Variants in PARP4 observed in about 807,000 individuals in gnomAD.
PARP4 encodes the protein protein mono-ADP-ribosyltransferase PARP4.
In PARP4, 120 loss-of-function variants were observed where a neutral mutation model predicts 187.7. That is an observed-to-expected ratio of 0.64 (90% CI 0.55 to 0.74). The LOEUF (loss-of-function observed/expected upper bound fraction) is 0.74. Among genes scored for constraint, PARP4 ranks in the 30% least tolerant of loss-of-function variants. The probability of loss-of-function intolerance (pLI) is 0.00; values close to 1 mark genes in which losing one functional copy is unlikely to be tolerated. For synonymous variants in PARP4, 654 were observed against 740.9 expected (o/e 0.88, Z 1.90); for missense variants, 1,836 against 2,070.5 (o/e 0.89, Z 2.20).
At chr13:24,428,928 C>T (rs1042387655) in intron 32 of PARP4, among the ~76,000 whole-genome samples, 1 of 152,208 alleles carries the variant, frequency 6.6e-6, no homozygotes, top group African/African-American at 2.4e-5. Flanking sequence ...TCTAACCTTT[C>T]ACCTTCTGAA....
At chr13:24,424,063 G>C (rs1869895008) in intron 33 of PARP4, among the ~76,000 whole-genome samples, 1 of 151,976 alleles carries the variant, frequency 6.6e-6, no homozygotes, top group East Asian at 1.9e-4. Context: ...GGGCTCAAGT[G>C]ACCCTCCCGT....
Position 24,456,396 on chromosome 13 carries a change from G to A in PARP4, c.2507C>T (p.Ser836Phe). 6.2e-7 allele frequency: 1 copy of A among 1,612,572 alleles called. No individual in the cohort carries two copies. Reference protein sequence around the residue: ...SSGFSLHIGLSAAYLPRMWVE... With the variant: ...SSGFSLHIGLFAAYLPRMWVE... Reference sequence around the variant, plus strand: ...CCACATTCTTGGGAGATAGGCAGCAGACAAACCGATGTGGAGAGAAAATCC... The same window carrying A: ...CCACATTCTTGGGAGATAGGCAGCAAACAAACCGATGTGGAGAGAAAATCC... The change falls in exon 21 of 34, where the codon TCT (serine) becomes TTT (phenylalanine). Residue 836 changes from serine (S) to phenylalanine (F), a missense_variant. Around this residue, in one of 8 missense-constraint regions of PARP4, gnomAD observed 1,147 missense variants for 1,214.2 expected, o/e 0.94. Transcript: ENST00000381989.
intron 1 of PARP4, among the ~76,000 whole-genome samples, chr13:24,506,803 C>T (rs1039953143): frequency 6.6e-6 from 1 of 152,244 alleles, no homozygotes; most frequent in Non-Finnish European, 1.5e-5. Flanking sequence ...GCCTGCCAGT[C>T]CCATGCCTTG....
chr13:24,425,569 G>GTGTGTATATC (rs1491353761), intron 33 of PARP4, among the ~76,000 whole-genome samples: 3 of 136,732 alleles, frequency 2.2e-5, no homozygotes, highest in Non-Finnish European at 3.1e-5. Context: ...GTGTGTGTGT[G>GTGTGTATATC]TATATCTATA....
rs1195460304 is a variant in PARP4, at chr13:24,478,209, C to T, written c.1516G>A (p.Ala506Thr). The change falls in exon 13 of 34, where the codon GCC becomes ACC. Residue 506 changes from alanine (A) to threonine (T), a missense_variant. Transcript: ENST00000381989. ...GTRLLLICDV[A>T]LGKCMDLHEK... Reference sequence around the variant, plus strand: ...TGTAAGTCCATACACTTTCCGAGGGCTACGTCACAAATGAGCAGGAGTCTG... The same window carrying T: ...TGTAAGTCCATACACTTTCCGAGGGTTACGTCACAAATGAGCAGGAGTCTG... The T allele has an allele frequency of 6.2e-6, 10 of 1,613,664 alleles. No homozygotes were observed. The highest frequency in any genetic ancestry group is 2.7e-5 in the African/African-American group (2 of 75,040).
At chr13:24,467,885 A>G (rs1179443880) in intron 17 of PARP4, among the ~76,000 whole-genome samples, 1 of 152,198 alleles carries the variant, frequency 6.6e-6, no homozygotes, top group Admixed American at 6.5e-5. Context: ...AGGCTTCTAT[A>G]CATACAGTTT....
intron 21 of PARP4, among the ~76,000 whole-genome samples, chr13:24,455,446 C>A (rs1170890766): frequency 7.2e-6 from 1 of 138,634 alleles, no homozygotes; most frequent in Non-Finnish European, 1.5e-5. Context: ...GAATTAGTAT[C>A]TGAAAAATCA....
rs775016724 is a variant in PARP4, at chr13:24,434,430, C to T, written c.4711G>A (p.Val1571Met). ...AGACTGAGGAGTTCTGTCCAAGGCA[C>T]AGCATCCTGCCAGTGTTGTATGCAC... ...IVCIQHWQDA[V>M]PWTELLSLQT... Residue 1571 changes from valine (V) to methionine (M), a missense_variant, in exon 31 of 34, where the codon GTG becomes ATG. Val to Met is a conservative substitution (Grantham distance 21, BLOSUM62 1). Coordinates refer to ENST00000381989, the MANE Select transcript of PARP4 (RefSeq NM_006437.4). 6 of 1,587,682 alleles carry T rather than the reference C, an allele frequency of 3.8e-6. 1 individual carries two copies. In the South Asian group the frequency reaches 4.6e-5, roughly 12 times the overall value.
intron 10 of PARP4, among the ~76,000 whole-genome samples, chr13:24,488,784 T>C (rs1456207744): frequency 6.6e-6 from 1 of 152,226 alleles, no homozygotes; most frequent in Non-Finnish European, 1.5e-5. Context: ...AAATTTTTAT[T>C]TGCCCAAAAG....
intron 15 of PARP4, among the ~76,000 whole-genome samples, chr13:24,471,865 T>C (rs1161839281): frequency 6.6e-6 from 1 of 152,308 alleles, no homozygotes; most frequent in African/African-American, 2.4e-5. Context: ...ATTTATTAGA[T>C]TGAATAGCCA....
chr13:24,476,883 C>T (rs750702968), intron 14 of PARP4, among the ~76,000 whole-genome samples: 1 of 152,216 alleles, frequency 6.6e-6, no homozygotes, highest in Non-Finnish European at 1.5e-5. Context: ...TCAGCCCTTA[C>T]AGCAATTCTG....
intron 21 of PARP4, 32 bp downstream of exon 21, chr13:24,456,309 T>A: frequency 2.0e-6 from 3 of 1,526,634 alleles, no homozygotes; most frequent in Non-Finnish European, 2.7e-6. Flanking sequence ...TTTTCAATAG[T>A]GTCTCCTATG....
chr13:24,454,947 T>C, intron 22 of PARP4, 70 bp downstream of exon 22: 2 of 1,296,526 alleles, frequency 1.5e-6, no homozygotes, highest in Non-Finnish European at 1.1e-6. Context: ...TACCCACAGT[T>C]GTCAGCTCTA....
chr13:24,482,198 G>C (rs61948871), intron 12 of PARP4, among the ~76,000 whole-genome samples: 2 of 152,170 alleles, frequency 1.3e-5, no homozygotes, highest in African/African-American at 4.8e-5. Context: ...GATCAAACTT[G>C]AAAGAATGAG....
chr13:24,512,435 T>G (rs1210655749), intron 1 of PARP4, among the ~76,000 whole-genome samples: 1 of 152,204 alleles, frequency 6.6e-6, no homozygotes, highest in African/African-American at 2.4e-5. Context: ...TTGGTGTGAC[T>G]GTCGGCTCCG....
chr13:24,477,046 C>T (rs1195405349), intron 14 of PARP4, among the ~76,000 whole-genome samples: 1 of 152,230 alleles, frequency 6.6e-6, no homozygotes, highest in Non-Finnish European at 1.5e-5. Flanking sequence ...CCCCATTACA[C>T]TTTCTGCACC....
chr13:24,467,340 A>G (rs1452814716), intron 17 of PARP4, among the ~76,000 whole-genome samples: 5 of 152,246 alleles, frequency 3.3e-5, no homozygotes, highest in Non-Finnish European at 5.9e-5. Flanking sequence ...ATTAAGAGTT[A>G]TAAGACAAAT....
chr13:24,490,198 G>A (rs1442063224), intron 10 of PARP4, among the ~76,000 whole-genome samples: 1 of 152,174 alleles, frequency 6.6e-6, no homozygotes, highest in African/African-American at 2.4e-5. Context: ...TGTTACTGGA[G>A]AATGCCCCTC....
chr13:24,492,822 CAG>C (rs1462420675), intron 8 of PARP4, among the ~76,000 whole-genome samples: 3 of 152,178 alleles, frequency 2.0e-5, no homozygotes, highest in South Asian at 2.1e-4. Flanking sequence ...AAGAAAGAAC[CAG>C]AGTCTTATAT....
Sources: allele counts gnomAD v4.1 joint callset (sites outside exome capture counted in the v4.1 genomes callset), GRCh38; gene constraint gnomAD v4.1.1; regional missense constraint gnomAD v4.1.1; transcripts MANE v1.5; gene names NCBI Gene and HGNC (gene_info 2026-07-23, HGNC 2026-07-21).